Variants in RPGRIP1 observed in about 807,000 individuals in gnomAD.
RPGRIP1 encodes RPGR interacting protein 1, also known as X-linked retinitis pigmentosa GTPase regulator-interacting protein 1.
In RPGRIP1, 128 loss-of-function variants were observed where a neutral mutation model predicts 157.9. The ratio of observed to expected loss-of-function variants is 0.81; its 90% CI spans 0.70 to 0.94. The LOEUF is 0.94. Ranked by LOEUF, RPGRIP1 falls within the 40% of genes least tolerant of loss-of-function variation. RPGRIP1 has a pLI of 0.00. For missense variants in RPGRIP1, 1,486 were observed against 1,545.8 expected (o/e 0.96, Z 0.65); for synonymous variants, 554 against 571.6 (o/e 0.97, Z 0.44).
chr14:21,297,024 A>G (rs1276409031), intron 3 of RPGRIP1, among the ~76,000 whole-genome samples: 1 of 152,076 alleles, frequency 6.6e-6, no homozygotes, highest in Non-Finnish European at 1.5e-5. Flanking sequence ...AGGAAGCATA[A>G]AGAGGTTAAA....
intron 1 of RPGRIP1, among the ~76,000 whole-genome samples, chr14:21,282,572 A>C (rs1880169874): frequency 6.7e-6 from 1 of 148,440 alleles, no homozygotes; most frequent in African/African-American, 2.5e-5. Context: ...TGAGTTCAAA[A>C]CAATTGATAA....
At position 21,315,368 on chromosome 14, in the gene RPGRIP1, G is replaced by C. The variant is rs1411771190; in HGVS notation, c.1152-2328G>C. Among the ~76,000 whole-genome samples, 6 of 151,800 alleles carry C rather than the reference G, an allele frequency of 4.0e-5. No homozygotes were observed. In the East Asian group the frequency reaches 1.2e-3, roughly 30 times the overall value. On this transcript the variant is annotated intron_variant, in intron 10 of 24. Transcript: ENST00000400017. ...TAAAAATACAAAAAATTAGCCAGGC[G>C]TGGTGGCAGGTGCCTGTAGTCCCAG...
At chr14:21,304,470 T>C (rs1881211248) in intron 6 of RPGRIP1, among the ~76,000 whole-genome samples, 1 of 151,398 alleles carries the variant, frequency 6.6e-6, no homozygotes, top group Non-Finnish European at 1.5e-5. Context: ...GATAAGTTTA[T>C]GTATAAAAGG....
chr14:21,319,944 C>G (rs551555945), intron 11 of RPGRIP1, 73 bp from the exon 12 acceptor site: 2 of 1,375,684 alleles, frequency 1.5e-6, no homozygotes, highest in African/African-American at 2.9e-5. Flanking sequence ...AGATTAAATT[C>G]ACACTTGATC....
chr14:21,341,729 T>C (rs1401593394), intron 21 of RPGRIP1, among the ~76,000 whole-genome samples: 1 of 151,954 alleles, frequency 6.6e-6, no homozygotes, highest in Non-Finnish European at 1.5e-5. Flanking sequence ...AAGGACAGGG[T>C]GATGGCAGCG....
intron 24 of RPGRIP1, among the ~76,000 whole-genome samples, chr14:21,348,790 TG>T (rs1885835284): frequency 6.6e-6 from 1 of 151,012 alleles, no homozygotes; most frequent in East Asian, 2.0e-4. Context: ...CTCAGCTTCC[TG>T]CCTCAGCTTC....
chr14:21,299,400 A>G (rs1207950208), intron 3 of RPGRIP1, among the ~76,000 whole-genome samples: 1 of 152,056 alleles, frequency 6.6e-6, no homozygotes, highest in Non-Finnish European at 1.5e-5. Flanking sequence ...TTGGTTGATA[A>G]TCAAAGAGTA....
chr14:21,292,004 G>A (rs1337718594), intron 2 of RPGRIP1, among the ~76,000 whole-genome samples: 6 of 151,622 alleles, frequency 4.0e-5, no homozygotes, highest in Non-Finnish European at 5.9e-5. Flanking sequence ...GTGATCCTCC[G>A]GCCTCAGCCT....
intron 12 of RPGRIP1, among the ~76,000 whole-genome samples, chr14:21,320,551 A>G (rs944465967): frequency 1.1e-4 from 16 of 149,444 alleles, no homozygotes; most frequent in Non-Finnish European, 8.9e-5. Context: ...TCGGCCTCCC[A>G]AAGTGCTGGG....
At chr14:21,308,172 G>A (rs1412756997) in intron 7 of RPGRIP1, among the ~76,000 whole-genome samples, 9 of 152,182 alleles carry the variant, frequency 5.9e-5, no homozygotes, top group Non-Finnish European at 1.3e-4. Flanking sequence ...GCAGTCACAG[G>A]GAAGGGAAGG....
At chr14:21,289,391 A>C (rs1440722678) in intron 2 of RPGRIP1, among the ~76,000 whole-genome samples, 1 of 152,124 alleles carries the variant, frequency 6.6e-6, no homozygotes, top group Non-Finnish European at 1.5e-5. Flanking sequence ...TCACACCTGC[A>C]CCAGCTACTC....
At chr14:21,312,343 A>T (rs1594184727) in intron 9 of RPGRIP1, 90 bp from the exon 10 acceptor site, 1 of 811,500 alleles carries the variant, frequency 1.2e-6, no homozygotes, top group Non-Finnish European at 1.9e-6. Flanking sequence ...AAAGCCTCTC[A>T]CCCACGCCCC....
rs182084028 is a variant in RPGRIP1 at position 21,322,824 on chromosome 14, G to T, written c.1762+820G>T. 2.5e-3 allele frequency among the ~76,000 whole-genome samples: 375 copies of T among 152,248 alleles called. 2 individuals carry two copies. The highest frequency in any genetic ancestry group is 8.4e-3 in the African/African-American group (350 of 41,546). On this transcript the variant is annotated intron_variant, in intron 14 of 24. Coordinates refer to ENST00000400017, the MANE Select transcript of RPGRIP1 (RefSeq NM_020366.4). Reference sequence around the variant, plus strand: ...GATGCTGACAGTGACAGGGCAGCTGGCTGGACACTGAATGCAAGTTTCATA... The same window carrying T: ...GATGCTGACAGTGACAGGGCAGCTGTCTGGACACTGAATGCAAGTTTCATA...
Position 21,301,074 on chromosome 14 carries a change from GCGGCAGCGCCTCTCCAT to G in RPGRIP1, c.328_344del (p.Arg110AlafsTer63). ...CAAGGCGCGGGCAGAAGGCGGGATG[GCGGCAGCGCCTCTCCAT>G]GCACCAGCGCCCCCAGATGCACCGA... On this transcript the variant is annotated frameshift_variant, in exon 4 of 25. Transcript: ENST00000400017. LOFTEE classifies it high-confidence loss of function. 6.2e-7 allele frequency: 1 copy of G among 1,612,666 alleles called. No individual in the cohort carries two copies. The highest frequency in any genetic ancestry group is 1.1e-5 in the South Asian group (1 of 91,040).
At chr14:21,288,121 CA>C in intron 2 of RPGRIP1, 60 bp downstream of exon 2, 1 of 1,053,258 alleles carries the variant, frequency 9.5e-7, no homozygotes, top group Non-Finnish European at 1.5e-6. Flanking sequence ...CACTGTGGAA[CA>C]TCTTGCTGGC....
In RPGRIP1 at chr14:21,311,856, C is replaced by T; in HGVS notation, c.963C>T (p.Ala321=). 6.2e-7 allele frequency: 1 copy of T among 1,609,810 alleles called. No homozygotes were observed. The highest frequency in any genetic ancestry group is 8.5e-7 in the Non-Finnish European group (1 of 1,178,378). Residue 321 remains alanine, a synonymous_variant, in exon 9 of 25, where the codon GCC becomes GCT. Transcript: ENST00000400017. The part of the protein sequence containing the change: ...NQGILSAAHE[A]LLKQVNELRA... The stretch of plus-strand genomic sequence containing the variant: ...GAATCCTGAGTGCAGCCCATGAGGC[C>T]CTCCTCAAGCAAGTGAATGAGCTCA...
rs1883358073 is a variant in RPGRIP1, at chr14:21,328,554, A to G, written c.3026A>G (p.Lys1009Arg). ...AGCTACTCAAGAAGAAAACATGGCAAAAGAATAGGTGTTCAAGGAAAGAAT... is the reference window on the plus strand; with the variant it reads ...AGCTACTCAAGAAGAAAACATGGCAGAAGAATAGGTGTTCAAGGAAAGAAT... Reference protein sequence around the residue: ...VVSYSRRKHGKRIGVQGKNRM... With the variant: ...VVSYSRRKHGRRIGVQGKNRM... Residue 1009 changes from lysine (K) to arginine (R), a missense_variant, in exon 19 of 25, where the codon AAA becomes AGA. Transcript: ENST00000400017. 6.2e-7 allele frequency: 1 copy of G among 1,613,824 alleles called. No individual in the cohort carries two copies. The highest frequency in any genetic ancestry group is 8.5e-7 in the Non-Finnish European group (1 of 1,179,774).
Position 21,351,118 on chromosome 14 carries a change from G to GTTGTT in RPGRIP1, c.3763_3764insTTGTT (p.Asp1255ValfsTer8). 1 of 1,608,610 alleles carries GTTGTT rather than the reference G, an allele frequency of 6.2e-7. No homozygotes were observed. Among genetic ancestry groups the GTTGTT allele is most frequent in the South Asian group, 1.1e-5 (1 of 90,160 alleles). ...TTTCCCAACAGTTGTTAGCCCTGAA[G>GTTGTT]ATCTGGCTACCCCAATAGGAAGGCT... On this transcript the variant is annotated frameshift_variant, in exon 25 of 25. Transcript: ENST00000400017. LOFTEE classifies it high-confidence loss of function.
chr14:21,339,316 C>G (rs948165468), intron 21 of RPGRIP1, among the ~76,000 whole-genome samples: 1 of 151,412 alleles, frequency 6.6e-6, no homozygotes, highest in African/African-American at 2.4e-5. Context: ...CGTGGTGGCG[C>G]GTGCTTGTAA....
Sources: allele counts gnomAD v4.1 joint callset (sites outside exome capture counted in the v4.1 genomes callset), GRCh38; gene constraint gnomAD v4.1.1; transcripts MANE v1.5; gene names NCBI Gene and HGNC (gene_info 2026-07-23, HGNC 2026-07-21).